CCSER2: variants seen among roughly 807,000 people sequenced by gnomAD.
CCSER2 encodes the protein serine-rich coiled-coil domain-containing protein 2.
CCSER2 carries 46 observed loss-of-function variants against 92.3 expected under a neutral mutation model. The observed-to-expected ratio is 0.50, with a 90% CI of 0.39 to 0.64. CCSER2 has a LOEUF of 0.64. Among genes scored for constraint, CCSER2 ranks in the 30% least tolerant of loss-of-function variants. The pLI, the probability that CCSER2 is intolerant of heterozygous loss-of-function variation, is 0.00. For missense variants in CCSER2, 1,244 were observed against 1,238.9 expected (o/e 1.00, Z -0.06); for synonymous variants, 433 against 431.4 (o/e 1.00, Z -0.04).
intron 6 of CCSER2, among the ~76,000 whole-genome samples, chr10:84,451,117 T>C (rs1417434513): frequency 6.6e-6 from 1 of 152,044 alleles, no homozygotes; most frequent in Non-Finnish European, 1.5e-5. Context: ...AAAAACCCTT[T>C]AGAGCAGGGT....
Position 84,396,769 on chromosome 10 carries a change from T to C in CCSER2, c.1615-21002T>C, listed in dbSNP as rs899791886. Among the ~76,000 whole-genome samples the C allele has an allele frequency of 5.9e-5, 9 of 152,218 alleles. No homozygotes were observed. The South Asian group carries it at 8.3e-4, about 14-fold the overall frequency. ...CAAGGCTGGTCTTGAACTCCTGGGC[T>C]TAAGTGATCGACCCGTCTTGGCCTT... On this transcript the variant is annotated intron_variant, in intron 3 of 9. Transcript: ENST00000372088.
chr10:84,391,435 T>C (rs2133260397), intron 3 of CCSER2: 1 of 1,555,618 alleles, frequency 6.4e-7, no homozygotes, highest in East Asian at 2.2e-5. Context: ...GACAGAGTTA[T>C]TTTGCCCTGT....
intron 1 of CCSER2, among the ~76,000 whole-genome samples, chr10:84,333,346 C>A (rs933229435): frequency 1.3e-5 from 2 of 152,122 alleles, no homozygotes; most frequent in African/African-American, 2.4e-5. Flanking sequence ...CATGGAGTTT[C>A]TTACCTAATC....
intron 1 of CCSER2, among the ~76,000 whole-genome samples, chr10:84,368,932 A>G (rs1002261303): frequency 1.3e-5 from 2 of 152,166 alleles, no homozygotes; most frequent in Admixed American, 1.3e-4. Context: ...AAGTAAGAAC[A>G]TGTGGTATTT....
At chr10:84,422,783 G>C (rs140855816) in intron 4 of CCSER2, among the ~76,000 whole-genome samples, 1 of 152,174 alleles carries the variant, frequency 6.6e-6, no homozygotes, top group South Asian at 2.1e-4. Context: ...GGTCAGGGGC[G>C]GTGGCTCACG....
chr10:84,498,838 G>A (rs532349606), intron 9 of CCSER2, among the ~76,000 whole-genome samples: 10 of 152,200 alleles, frequency 6.6e-5, no homozygotes, highest in African/African-American at 2.2e-4. Flanking sequence ...GACCCAATAT[G>A]GTTCCCTTTG....
chr10:84,384,239 T>C (rs1841067885), intron 3 of CCSER2, among the ~76,000 whole-genome samples: 1 of 152,100 alleles, frequency 6.6e-6, no homozygotes, highest in African/African-American at 2.4e-5. Flanking sequence ...TTCCAAAACA[T>C]GGAGGAGGCG....
rs1360611725 is a variant in CCSER2 at position 84,331,380 on chromosome 10, G to T, written c.-40+2572G>T. 2.0e-5 allele frequency among the ~76,000 whole-genome samples: 3 copies of T among 152,220 alleles called. No individual in the cohort carries two copies. In the East Asian group the frequency reaches 5.8e-4, roughly 29 times the overall value. On this transcript the variant is annotated intron_variant, in intron 1 of 9. Transcript: ENST00000372088. ...ACATGATAATTCATTTGGGGATATG[G>T]GAGAAACCTAACCTTCACTATTCCT...
intron 9 of CCSER2, among the ~76,000 whole-genome samples, chr10:84,504,273 T>G (rs1316563502): frequency 1.3e-5 from 2 of 151,938 alleles, no homozygotes; most frequent in Non-Finnish European, 2.9e-5. Flanking sequence ...GTGCATAGAT[T>G]TTGTGTGTAT....
chr10:84,406,569 T>C (rs1842388447), intron 3 of CCSER2, among the ~76,000 whole-genome samples: 1 of 152,194 alleles, frequency 6.6e-6, no homozygotes, highest in African/African-American at 2.4e-5. Flanking sequence ...CCTGCTCATA[T>C]GTGCTCAGAG....
intron 3 of CCSER2, among the ~76,000 whole-genome samples, chr10:84,394,206 T>C (rs940644834): frequency 1.3e-5 from 2 of 152,228 alleles, no homozygotes; most frequent in African/African-American, 4.8e-5. Flanking sequence ...ATTCTTGAGC[T>C]TCTACTATGC....
At chr10:84,508,200 A>C (rs1849165179) in intron 9 of CCSER2, among the ~76,000 whole-genome samples, 1 of 152,210 alleles carries the variant, frequency 6.6e-6, no homozygotes, top group African/African-American at 2.4e-5. Context: ...ATTTATAGAA[A>C]GAAAAGAACA....
chr10:84,512,612 GA>G (rs1166607966), intron 9 of CCSER2, among the ~76,000 whole-genome samples: 1 of 152,136 alleles, frequency 6.6e-6, no homozygotes, highest in Non-Finnish European at 1.5e-5. Flanking sequence ...GAGCTTCAGG[GA>G]AGTACATGTG....
At chr10:84,355,149 A>G (rs1482637777) in intron 1 of CCSER2, among the ~76,000 whole-genome samples, 1 of 151,780 alleles carries the variant, frequency 6.6e-6, no homozygotes, top group East Asian at 1.9e-4. Context: ...ACTTTTCAAA[A>G]TTCAGGTCAG....
intron 6 of CCSER2, among the ~76,000 whole-genome samples, chr10:84,439,276 T>C (rs1844381123): frequency 6.6e-6 from 1 of 151,478 alleles, no homozygotes; most frequent in Non-Finnish European, 1.5e-5. Flanking sequence ...TGATGTTGGA[T>C]CCTGGCATCT....
At chr10:84,382,633 T>TA (rs1267004110) in intron 3 of CCSER2, among the ~76,000 whole-genome samples, 1 of 152,216 alleles carries the variant, frequency 6.6e-6, no homozygotes, top group Non-Finnish European at 1.5e-5. Flanking sequence ...TGATGATTGA[T>TA]TTTCTAACAC....
intron 3 of CCSER2, among the ~76,000 whole-genome samples, chr10:84,411,567 G>C (rs554025884): frequency 7.2e-4 from 109 of 152,030 alleles, no homozygotes; most frequent in African/African-American, 2.5e-3. Flanking sequence ...TCTTTTTGTG[G>C]CAGTTATGAA....
rs566339028 is a variant in CCSER2 at position 84,340,638 on chromosome 10, T to A, written c.-40+11830T>A. 4.5e-4 allele frequency among the ~76,000 whole-genome samples: 69 copies of A among 152,264 alleles called. 2 individuals carry two copies. The South Asian group carries it at 0.014, about 31-fold the overall frequency. Reference sequence around the variant, plus strand: ...AATTTTTTTCCTTCTCTGGTTTTTTTTTTTCCTCTTTGACGTCTCTATTTG... The same window carrying A: ...AATTTTTTTCCTTCTCTGGTTTTTTATTTTCCTCTTTGACGTCTCTATTTG... On this transcript the variant is annotated intron_variant, in intron 1 of 9. Transcript: ENST00000372088.
chr10:84,514,384 T>A lies in CCSER2; in HGVS notation c.*117T>A. On this transcript the variant is annotated 3_prime_UTR_variant, in exon 10 of 10. Coordinates refer to ENST00000372088, the MANE Select transcript of CCSER2 (RefSeq NM_001284240.2). The stretch of plus-strand genomic sequence containing the variant: ...GGTTCCATTGAAAGCCTGCAAATCT[T>A]AAATTAAAATGTGGAAGCTTCTACT... The A allele has an allele frequency of 1.4e-6, 1 of 723,586 alleles. No homozygotes were observed. Among genetic ancestry groups the A allele is most frequent in the Non-Finnish European group, 2.2e-6 (1 of 453,740 alleles). 44.8% of individuals were successfully genotyped at this position (723,586 alleles called of 1,614,324 possible).
Sources: allele counts gnomAD v4.1 joint callset (sites outside exome capture counted in the v4.1 genomes callset), GRCh38; gene constraint gnomAD v4.1.1; transcripts MANE v1.5; gene names NCBI Gene and HGNC (gene_info 2026-07-23, HGNC 2026-07-21).